Variants in SGSM2 observed in about 807,000 individuals in gnomAD.
The protein encoded by SGSM2 is RUN and TBC1 domain containing 1.
Under a neutral mutation model 126.6 loss-of-function variants are expected in SGSM2, and 89 were observed. The observed-to-expected ratio is 0.70, with a 90% CI of 0.59 to 0.84. The LOEUF is 0.84. Among genes scored for constraint, SGSM2 ranks in the 40% least tolerant of loss-of-function variants. The pLI is 0.00. For missense variants in SGSM2, 1,404 were observed against 1,416.6 expected, an observed-to-expected ratio of 0.99 and a Z score of 0.14; for synonymous variants, 614 against 574.3, an observed-to-expected ratio of 1.07 and a Z score of -0.99.
In SGSM2 at chr17:2,363,984, A is replaced by C; in HGVS notation, c.808-75A>C. The C allele has an allele frequency of 6.4e-5, 98 of 1,535,366 alleles. No individual in the cohort carries two copies. Among genetic ancestry groups the C allele is most frequent in the Middle Eastern group, 1.7e-4 (1 of 5,906 alleles). On this transcript the variant is annotated intron_variant, in intron 7 of 23. Coordinates refer to ENST00000268989, the MANE Select transcript of SGSM2 (RefSeq NM_014853.3). This position sits in a 1 kb window ranked among gnomAD's most constrained non-coding sequence, Gnocchi z 4.2. The stretch of plus-strand genomic sequence containing the variant: ...CTTGGCCTCCCCTCCTCCCAGCGGG[A>C]GCTCATTTCTCATAGGCCATCCCTG...
At chr17:2,364,498 T>C (rs1278250236) in intron 8 of SGSM2, 98 bp from the exon 9 acceptor site, 2 of 1,332,358 alleles carry the variant, frequency 1.5e-6, no homozygotes, top group African/African-American at 2.9e-5. Context: ...CATCCTATCT[T>C]CAGGGGAGTT....
At chr17:2,368,242 C>A (rs1451327933) in intron 12 of SGSM2, among the ~76,000 whole-genome samples, 1 of 152,168 alleles carries the variant, frequency 6.6e-6, no homozygotes, top group Admixed American at 6.5e-5. Context: ...TGCCTACCAC[C>A]CATCTTTCCT....
At position 2,364,136 on chromosome 17, in the gene SGSM2, C is replaced by T. The variant is rs758205914; in HGVS notation, c.885C>T (p.Pro295=). ...SAESLTLKWT[P]NQLMNGTLGD... is the part of the protein sequence containing the mutation. ...AGAGCCTGACTCTGAAGTGGACCCCCAACCAGCTCATGAATGGGACTCTGG... is the reference window on the plus strand; with the variant it reads ...AGAGCCTGACTCTGAAGTGGACCCCTAACCAGCTCATGAATGGGACTCTGG... Residue 295 remains proline, a synonymous_variant, in exon 8 of 24, where the codon CCC becomes CCT. Coordinates refer to ENST00000268989, the MANE Select transcript of SGSM2 (RefSeq NM_014853.3). 5 of 1,613,908 alleles carry T rather than the reference C, an allele frequency of 3.1e-6. No homozygotes were observed. In the African/African-American group the frequency reaches 6.7e-5, roughly 22 times the overall value.
At chr17:2,365,648 G>A (rs776694197) in intron 11 of SGSM2, among the ~76,000 whole-genome samples, 1 of 152,036 alleles carries the variant, frequency 6.6e-6, no homozygotes, top group Non-Finnish European at 1.5e-5. Context: ...AAAACACGTG[G>A]AGAAACGAGA....
chr17:2,342,852 C>T (rs1193624043), intron 1 of SGSM2, among the ~76,000 whole-genome samples: 1 of 152,076 alleles, frequency 6.6e-6, no homozygotes, highest in Non-Finnish European at 1.5e-5. Flanking sequence ...TGGCATGCAC[C>T]TGTTGTCCCA....
In SGSM2 at chr17:2,379,517, G is replaced by A. The variant is rs1175635875; in HGVS notation, c.3153G>A (p.Lys1051=). 1 of 1,611,214 alleles carries A rather than the reference G, an allele frequency of 6.2e-7. No homozygotes were observed. Among genetic ancestry groups the A allele is most frequent in the East Asian group, 2.2e-5 (1 of 44,796 alleles). ...VHKVQMLIEN[K] is the part of the protein sequence containing the mutation. ...AGGTGCAGATGCTCATAGAGAACAA[G>A]TGAGCTGGGGCCAGGAGGCAGCAGC... Residue 1051 remains lysine, a synonymous_variant, in exon 24 of 24, where the codon AAG becomes AAA. Coordinates refer to ENST00000268989, the MANE Select transcript of SGSM2 (RefSeq NM_014853.3).
chr17:2,365,081 G>A (rs777592090), intron 10 of SGSM2, 24 bp downstream of exon 10: 3 of 1,608,080 alleles, frequency 1.9e-6, no homozygotes, highest in South Asian at 2.2e-5. Flanking sequence ...GAGGCTTTAG[G>A]GGAAGGGCTG....
At position 2,363,068 on chromosome 17, in the gene SGSM2, C is replaced by A. The variant is rs1379207509; in HGVS notation, c.606C>A (p.Val202=). 6.2e-7 allele frequency: 1 copy of A among 1,613,848 alleles called. No individual in the cohort carries two copies. ...CTGACCCCTCTGCTGATGAGCTGGT[C>A]CAGCGGCACCGCATCCGGGGTCCAC... ...YWTDPSADEL[V]QRHRIRGPPT... The change falls in exon 6 of 24, where the codon GTC becomes GTA. Residue 202 remains valine, a synonymous_variant. Transcript: ENST00000268989. The surrounding 1 kb of genome is among the most constrained non-coding windows in gnomAD (Gnocchi z 4.2).
chr17:2,372,776 C>T lies in SGSM2; in HGVS notation c.1789-177C>T. 2 of 896,088 alleles carry T rather than the reference C, an allele frequency of 2.2e-6. No individual in the cohort carries two copies. Among genetic ancestry groups the T allele is most frequent in the East Asian group, 2.7e-5 (1 of 37,422 alleles). 55.5% of individuals were successfully genotyped at this position (896,088 alleles called of 1,614,324 possible). ...TTAAGGAAGGAGAGCAGAACGAGAT[C>T]TCATCCCACTGTGAGCTGGGGCACG... On this transcript the variant is annotated intron_variant, in intron 15 of 23. Coordinates refer to ENST00000268989, the MANE Select transcript of SGSM2 (RefSeq NM_014853.3). This position sits in a 1 kb window ranked among gnomAD's most constrained non-coding sequence, Gnocchi z 6.0.
chr17:2,376,050 T>C, intron 18 of SGSM2, 87 bp from the exon 19 acceptor site: 2 of 1,592,866 alleles, frequency 1.3e-6, no homozygotes, highest in African/African-American at 2.7e-5. Flanking sequence ...GGGTTCCGTT[T>C]TGCTGCATTT....
Position 2,375,816 on chromosome 17 carries a change from C to T in SGSM2, c.2425C>T (p.Gln809Ter). ...EPQDPSQEKP[Q>*]AGELEAGEEL... ...CCAGGATCCCAGCCAGGAGAAGCCT[C>T]AGGCCGGAGAACTGGAGGCCGGAGA... Residue 809 changes from glutamine to a stop codon, truncating the protein, a stop_gained, in exon 18 of 24, where the codon CAG becomes TAG. Transcript: ENST00000268989. LOFTEE classifies it high-confidence loss of function. The T allele has an allele frequency of 6.4e-7, 1 of 1,558,486 alleles. No homozygotes were observed. Among genetic ancestry groups the T allele is most frequent in the Non-Finnish European group, 8.7e-7 (1 of 1,153,240 alleles).
intron 2 of SGSM2, among the ~76,000 whole-genome samples, chr17:2,351,845 G>A (rs2151512379): frequency 6.6e-6 from 1 of 152,270 alleles, no homozygotes; most frequent in Middle Eastern, 3.4e-3. Context: ...TCAGAGTCCA[G>A]TTGCGAATGT....
chr17:2,358,880 T>TTG (rs1555598723), intron 2 of SGSM2, among the ~76,000 whole-genome samples: 2 of 148,886 alleles, frequency 1.3e-5, no homozygotes, highest in African/African-American at 5.0e-5. Flanking sequence ...GTTGTTTTTT[T>TTG]TTTTTTTTTT....
intron 1 of SGSM2, 30 bp from the exon 2 acceptor site, chr17:2,343,515 A>T (rs1301036464): frequency 1.2e-6 from 2 of 1,610,956 alleles, no homozygotes; most frequent in Non-Finnish European, 1.7e-6. Flanking sequence ...GAAAATAATA[A>T]AAGCAGTGAT....
chr17:2,338,087 C>T (rs2064166566), intron 1 of SGSM2, among the ~76,000 whole-genome samples: 1 of 152,068 alleles, frequency 6.6e-6, no homozygotes, highest in Non-Finnish European at 1.5e-5. Context: ...GCCCGCGCCG[C>T]CAGGGGAGGG....
chr17:2,367,673 C>A lies in SGSM2; in HGVS notation c.1423+268C>A, dbSNP rs1445759680. ...GGAAGGTCTGATTATCTGATTGCCT[C>A]CTGGGCACCCTGAATGGATCTCTGA... On this transcript the variant is annotated intron_variant, in intron 12 of 23. Transcript: ENST00000268989. The surrounding 1 kb of genome is among the most constrained non-coding windows in gnomAD (Gnocchi z 4.0). Among the ~76,000 whole-genome samples, 2 of 152,338 alleles carry A rather than the reference C, an allele frequency of 1.3e-5. No homozygotes were observed. The highest frequency in any genetic ancestry group is 3.9e-4 in the East Asian group (2 of 5,182).
At chr17:2,343,829 G>A (rs1189763825) in intron 2 of SGSM2, among the ~76,000 whole-genome samples, 1 of 152,138 alleles carries the variant, frequency 6.6e-6, no homozygotes, top group Non-Finnish European at 1.5e-5. Context: ...CGTATTTTTT[G>A]TTCCCCAGGA....
chr17:2,367,216 C>T lies in SGSM2; in HGVS notation c.1289-55C>T. 6.4e-7 allele frequency: 1 copy of T among 1,566,506 alleles called. No homozygotes were observed. The highest frequency in any genetic ancestry group is 1.2e-5 in the South Asian group (1 of 84,344). On this transcript the variant is annotated intron_variant, in intron 11 of 23. Transcript: ENST00000268989. The surrounding 1 kb of genome is among the most constrained non-coding windows in gnomAD (Gnocchi z 4.0). ...CACTCCCCTTAAGGAGGGAGTCCGT[C>T]CTGCCCAGGGATGAGGGCCTCATGC...
chr17:2,375,352 CGTGG>C, intron 17 of SGSM2, 136 bp from the exon 18 acceptor site: 1 of 1,124,858 alleles, frequency 8.9e-7, no homozygotes, highest in South Asian at 1.7e-5. Context: ...CTTGGTGCCC[CGTGG>C]CCACAGTGTT....
Sources: gnomAD v4.1 joint callset for allele counts (sites outside exome capture counted in the v4.1 genomes callset) on GRCh38, gnomAD v4.1.1 for gene constraint, Gnocchi (gnomAD v3.1) non-coding constraint, MANE v1.5 for transcripts, NCBI Gene and HGNC (gene_info 2026-07-23, HGNC 2026-07-21) for gene names.